Variants in NELL2 observed in about 807,000 individuals in gnomAD.
NELL2 encodes neural EGFL like 2.
Under a neutral mutation model 109.6 loss-of-function variants are expected in NELL2, and 41 were observed. The observed-to-expected ratio is 0.37, with a 90% CI of 0.29 to 0.49. NELL2 has a LOEUF of 0.49. Among genes scored for constraint, NELL2 ranks in the 20% least tolerant of loss-of-function variants. The pLI, the probability that NELL2 is intolerant of heterozygous loss-of-function variation, is 0.98. For synonymous variants in NELL2, 355 were observed against 344.7 expected, an observed-to-expected ratio of 1.03 and a Z score of -0.33; for missense variants, 900 against 1,008.3, an observed-to-expected ratio of 0.89 and a Z score of 1.45.
chr12:44,653,023 C>T (rs1175925617), intron 13 of NELL2, among the ~76,000 whole-genome samples: 2 of 152,180 alleles, frequency 1.3e-5, no homozygotes, highest in Admixed American at 6.5e-5. Flanking sequence ...GGATAAGCTC[C>T]TCATTTCAAG....
chr12:44,617,128 A>C (rs1433573577), intron 13 of NELL2, among the ~76,000 whole-genome samples: 1 of 152,106 alleles, frequency 6.6e-6, no homozygotes, highest in Non-Finnish European at 1.5e-5. Flanking sequence ...ATATGAAAAC[A>C]TTGTGTTATA....
At chr12:44,827,175 A>T (rs1257857666) in intron 2 of NELL2, among the ~76,000 whole-genome samples, 7 of 152,140 alleles carry the variant, frequency 4.6e-5, no homozygotes, top group Admixed American at 4.6e-4. Flanking sequence ...TGTGGATCCA[A>T]GGTAGGTATA....
intron 11 of NELL2, among the ~76,000 whole-genome samples, chr12:44,706,299 T>C (rs1412383354): frequency 6.6e-6 from 1 of 152,220 alleles, no homozygotes; most frequent in African/African-American, 2.4e-5. Flanking sequence ...TTGAACCTAC[T>C]GGTTATTTTG....
intron 15 of NELL2, among the ~76,000 whole-genome samples, chr12:44,575,064 C>T (rs1944023887): frequency 6.6e-6 from 1 of 152,196 alleles, no homozygotes; most frequent in Non-Finnish European, 1.5e-5. Flanking sequence ...GTTTGCCTTT[C>T]TTCCCTTACA....
intron 15 of NELL2, among the ~76,000 whole-genome samples, chr12:44,555,674 A>C (rs1943224767): frequency 6.6e-6 from 1 of 152,156 alleles, no homozygotes; most frequent in South Asian, 2.1e-4. Flanking sequence ...CCAGCATGAC[A>C]GGAGGCCAAG....
intron 15 of NELL2, among the ~76,000 whole-genome samples, chr12:44,595,069 T>A (rs1944905846): frequency 6.6e-6 from 1 of 152,174 alleles, no homozygotes; most frequent in Non-Finnish European, 1.5e-5. Flanking sequence ...ACCAAAAAGA[T>A]CATAATGAAT....
chr12:44,717,175 T>C (rs558142060), intron 9 of NELL2, among the ~76,000 whole-genome samples: 1 of 152,260 alleles, frequency 6.6e-6, no homozygotes, highest in South Asian at 2.1e-4. Context: ...ACTAGTAGGA[T>C]ATTTCTTCCC....
intron 3 of NELL2, among the ~76,000 whole-genome samples, chr12:44,806,768 A>T (rs1237026750): frequency 1.3e-5 from 2 of 151,892 alleles, no homozygotes; most frequent in Non-Finnish European, 2.9e-5. Flanking sequence ...TGCATACATT[A>T]AAAAACTACA....
intron 15 of NELL2, among the ~76,000 whole-genome samples, chr12:44,547,108 A>G (rs904360840): frequency 6.6e-6 from 1 of 152,200 alleles, no homozygotes; most frequent in Admixed American, 6.5e-5. Context: ...ACAGCTACTT[A>G]TAGTTTTCTG....
intron 2 of NELL2, among the ~76,000 whole-genome samples, chr12:44,844,125 G>T (rs556897890): frequency 6.6e-6 from 1 of 152,184 alleles, no homozygotes; most frequent in Non-Finnish European, 1.5e-5. Flanking sequence ...AGAGTAGAAT[G>T]CTGCATGAAG....
intron 1 of NELL2, among the ~76,000 whole-genome samples, chr12:44,908,506 A>C (rs2136889201): frequency 6.6e-6 from 1 of 152,114 alleles, no homozygotes; most frequent in Admixed American, 6.6e-5. Context: ...TATTGAATGA[A>C]CATAGGGATG....
intron 10 of NELL2, among the ~76,000 whole-genome samples, chr12:44,714,251 T>A (rs1480757922): frequency 6.6e-6 from 1 of 151,896 alleles, no homozygotes; most frequent in Non-Finnish European, 1.5e-5. Context: ...AACAATTAAT[T>A]TTAGTTAGGT....
chr12:44,811,027 G>A (rs1487648742), intron 3 of NELL2, among the ~76,000 whole-genome samples: 1 of 151,922 alleles, frequency 6.6e-6, no homozygotes, highest in Non-Finnish European at 1.5e-5. Flanking sequence ...TCCTTTGCAG[G>A]GACATGGATG....
chr12:44,567,722 A>T (rs1302536870), intron 15 of NELL2, among the ~76,000 whole-genome samples: 1 of 152,154 alleles, frequency 6.6e-6, no homozygotes, highest in Non-Finnish European at 1.5e-5. Flanking sequence ...CAGAATGGAG[A>T]TCCTGGCATT....
chr12:44,794,056 G>A (rs558286468), intron 3 of NELL2, among the ~76,000 whole-genome samples: 64 of 152,182 alleles, frequency 4.2e-4, no homozygotes, highest in East Asian at 3.7e-3. Flanking sequence ...GGCTCCCCCC[G>A]TTGTCCCCTT....
In NELL2 at chr12:44,532,685, T is replaced by C; in HGVS notation, c.1700A>G (p.Asp567Gly). The C allele has an allele frequency of 6.2e-7, 1 of 1,613,498 alleles. No homozygotes were observed. Among genetic ancestry groups the C allele is most frequent in the Non-Finnish European group, 8.5e-7 (1 of 1,179,602 alleles). The change falls in exon 16 of 20, where the codon GAC becomes GGC. Residue 567 changes from aspartate to glycine, a missense_variant. By Grantham distance (94) the Asp-to-Gly change is moderately conservative (BLOSUM62 -1). Around this residue, in one of 4 missense-constraint regions of NELL2, gnomAD observed 333 missense variants for 432.3 expected, o/e 0.77. Coordinates refer to ENST00000429094, the MANE Select transcript of NELL2 (RefSeq NM_001145108.2). ...DECSDGFVQC[D>G]SRANCINLPG... ...CAGGTTAATGCAATTAGCACGACTG[T>C]CACATTGAACAAAACCATCAGAGCA...
chr12:44,881,390 A>G (rs1055412924), intron 1 of NELL2, among the ~76,000 whole-genome samples: 5 of 151,980 alleles, frequency 3.3e-5, no homozygotes, highest in African/African-American at 9.7e-5. Context: ...CTTGAAACCA[A>G]TGAAAGACAG....
At chr12:44,717,068 G>C (rs1178964076) in intron 9 of NELL2, among the ~76,000 whole-genome samples, 1 of 152,066 alleles carries the variant, frequency 6.6e-6, no homozygotes, top group African/African-American at 2.4e-5. Context: ...AGTTGGCTTA[G>C]AGAGAAACCA....
chr12:44,674,341 A>T (rs995709143), intron 12 of NELL2, among the ~76,000 whole-genome samples: 2 of 152,112 alleles, frequency 1.3e-5, no homozygotes, highest in African/African-American at 2.4e-5. Context: ...ATACACACAC[A>T]AATCCTACAG....
Sources: gnomAD v4.1 joint callset for allele counts (sites outside exome capture counted in the v4.1 genomes callset) on GRCh38, gnomAD v4.1.1 for gene constraint, gnomAD v4.1.1 regional missense constraint, MANE v1.5 for transcripts, NCBI Gene and HGNC (gene_info 2026-07-23, HGNC 2026-07-21) for gene names.